MBOAT2: variants seen among roughly 807,000 people sequenced by gnomAD.
The protein encoded by MBOAT2 is membrane-bound glycerophospholipid O-acyltransferase 2.
Under a neutral mutation model 63.4 loss-of-function variants are expected in MBOAT2, and 28 were observed. The ratio of observed to expected loss-of-function variants is 0.44; its 90% CI spans 0.33 to 0.61. MBOAT2 has a LOEUF of 0.61. Ranked by LOEUF, MBOAT2 falls within the 20% of genes least tolerant of loss-of-function variation. The pLI is 0.03. For missense variants in MBOAT2, 470 were observed against 605.8 expected (o/e 0.78, Z 2.35); for synonymous variants, 211 against 215.6 (o/e 0.98, Z 0.19).
At chr2:8,978,865 G>A (rs1671010646) in intron 1 of MBOAT2, among the ~76,000 whole-genome samples, 1 of 151,706 alleles carries the variant, frequency 6.6e-6, no homozygotes, top group Admixed American at 6.6e-5. Flanking sequence ...AAAAAAAAAG[G>A]TGGTGGGGGG....
At chr2:8,873,368 C>G in intron 7 of MBOAT2, 68 bp from the exon 8 acceptor site, 1 of 1,450,852 alleles carries the variant, frequency 6.9e-7, no homozygotes, top group South Asian at 1.3e-5. Context: ...TATGTATTAT[C>G]GACAGATTAA....
rs1553362293 is a variant in MBOAT2 at position 8,912,351 on chromosome 2, G to GAAAGAAAGAGAA, written c.300-3636_300-3635insTTCTCTTTCTTT. 7.2e-4 allele frequency among the ~76,000 whole-genome samples: 50 copies of GAAAGAAAGAGAA among 69,854 alleles called. 1 individual carries two copies. The highest frequency in any genetic ancestry group is 1.3e-3 in the Admixed American group (8 of 6,046). 45.8% of individuals were successfully genotyped at this position (69,854 alleles called of 152,430 possible). On this transcript the variant is annotated intron_variant, in intron 3 of 12. Coordinates refer to ENST00000305997, the MANE Select transcript of MBOAT2 (RefSeq NM_138799.4). ...AGAAAGAAAGAAAGAAAGAAAGAAA[G>GAAAGAAAGAGAA]AGAAAGAAAGAAAGAAAGAAAGAGA...
rs1380153103 is a variant in MBOAT2, at chr2:8,862,119, T to C, written c.1185+471A>G. ...TTTCTCAATTGTTTCCCCAAAATAT[T>C]ACTCTATGTTCTGTCTAGGCAAATA... On this transcript the variant is annotated intron_variant, in intron 11 of 12. Transcript: ENST00000305997. The surrounding 1 kb of genome is among the most constrained non-coding windows in gnomAD (Gnocchi z 4.3). Among the ~76,000 whole-genome samples, 2 of 152,324 alleles carry C rather than the reference T, an allele frequency of 1.3e-5. No homozygotes were observed. Among genetic ancestry groups the C allele is most frequent in the East Asian group, 1.9e-4 (1 of 5,188 alleles).
Position 9,003,400 on chromosome 2 carries a change from C to T in MBOAT2, c.75+140G>A. 1 of 361,396 alleles carries T rather than the reference C, an allele frequency of 2.8e-6. No individual in the cohort carries two copies. The highest frequency in any genetic ancestry group is 4.4e-6 in the Non-Finnish European group (1 of 226,658). The allele number at this position is 361,396 out of a possible 1,614,324, so 22.4% of individuals were successfully genotyped here. A position where few individuals can be genotyped will look rare whatever the true frequency, so the allele number is the denominator to read the frequency against. Reference sequence around the variant, plus strand: ...CAATAACCGGCTTGTTGCCCCCTCCCTTCCAGGGAGCGGCGGGTAGGGGGG... The same window carrying T: ...CAATAACCGGCTTGTTGCCCCCTCCTTTCCAGGGAGCGGCGGGTAGGGGGG... On this transcript the variant is annotated intron_variant, in intron 1 of 12. Transcript: ENST00000305997. This position sits in a 1 kb window ranked among gnomAD's most constrained non-coding sequence, Gnocchi z 5.4.
At chr2:8,919,613 A>C (rs1666429752) in intron 3 of MBOAT2, among the ~76,000 whole-genome samples, 1 of 152,092 alleles carries the variant, frequency 6.6e-6, no homozygotes, top group Non-Finnish European at 1.5e-5. Flanking sequence ...CATCTTCTGG[A>C]TCCAAGTCCT....
intron 1 of MBOAT2, among the ~76,000 whole-genome samples, chr2:8,961,083 G>A (rs897121857): frequency 6.6e-6 from 1 of 152,124 alleles, no homozygotes; most frequent in African/African-American, 2.4e-5. Context: ...GAAGTGATGA[G>A]ATTGACCCTC....
intron 4 of MBOAT2, among the ~76,000 whole-genome samples, chr2:8,903,338 A>G (rs1665102683): frequency 6.6e-6 from 1 of 152,158 alleles, no homozygotes; most frequent in Admixed American, 6.5e-5. Flanking sequence ...ACTTAGCAAA[A>G]TGCACAGTGC....
intron 2 of MBOAT2, among the ~76,000 whole-genome samples, chr2:8,945,250 C>A (rs1179297102): frequency 1.3e-5 from 2 of 152,158 alleles, no homozygotes; most frequent in African/African-American, 4.8e-5. Context: ...TCTGCATTTA[C>A]CTCTATCTCA....
intron 3 of MBOAT2, among the ~76,000 whole-genome samples, chr2:8,926,356 A>T (rs1245924259): frequency 6.6e-6 from 1 of 152,234 alleles, no homozygotes; most frequent in Non-Finnish European, 1.5e-5. Flanking sequence ...TGTGAAGTAT[A>T]CAAGATGTAC....
At chr2:8,867,269 G>A (rs909754155) in intron 9 of MBOAT2, among the ~76,000 whole-genome samples, 27 of 152,062 alleles carry the variant, frequency 1.8e-4, no homozygotes, top group Non-Finnish European at 3.4e-4. Context: ...TGCCTGCCTT[G>A]GCCTACCAAA....
At position 8,856,556 on chromosome 2, in the gene MBOAT2, T is replaced by TC. The variant is rs1661098597; in HGVS notation, c.*2122dup. ...TAAACAGCTGGCATAATTTCTTTTT[T>TC]CTTTTTTTTTTTTTGTGAGACGGAG... On this transcript the variant is annotated 3_prime_UTR_variant, in exon 13 of 13. Transcript: ENST00000305997. The surrounding 1 kb of genome is among the most constrained non-coding windows in gnomAD (Gnocchi z 4.2). The TC allele has an allele frequency of 6.6e-6, 1 of 151,636 alleles. No individual in the cohort carries two copies. The highest frequency in any genetic ancestry group is 2.1e-4 in the South Asian group (1 of 4,820). The allele number at this position is 151,636 out of a possible 1,614,324, so 9.4% of individuals were successfully genotyped here.
chr2:8,902,289 AG>A (rs1198964529), intron 4 of MBOAT2, among the ~76,000 whole-genome samples: 2 of 152,186 alleles, frequency 1.3e-5, no homozygotes, highest in Non-Finnish European at 2.9e-5. Flanking sequence ...AGCAAATGAA[AG>A]GGGTCCGATG....
At chr2:8,864,342 T>C in intron 9 of MBOAT2, 108 bp from the exon 10 acceptor site, 1 of 566,712 alleles carries the variant, frequency 1.8e-6, no homozygotes, top group Non-Finnish European at 2.9e-6. Flanking sequence ...TTAACATCGA[T>C]GGTAGTATAG....
At chr2:8,972,803 T>G (rs978698371) in intron 1 of MBOAT2, among the ~76,000 whole-genome samples, 1 of 152,008 alleles carries the variant, frequency 6.6e-6, no homozygotes, top group African/African-American at 2.4e-5. Flanking sequence ...GAAATGCAAA[T>G]CAAAACCACA....
Position 8,870,717 on chromosome 2 carries a change from A to T in MBOAT2, c.884-2168T>A, listed in dbSNP as rs1045022327. ...TGTTAAGACAGTACAGACATAGTAC[A>T]AGTATTTATTGCATGGAATAACTTT... On this transcript the variant is annotated intron_variant, in intron 8 of 12. Transcript: ENST00000305997. 2.4e-4 allele frequency among the ~76,000 whole-genome samples: 37 copies of T among 152,352 alleles called. No individual in the cohort carries two copies. The South Asian group carries it at 3.1e-3, about 13-fold the overall frequency.
chr2:8,932,744 A>G (rs1223299887), intron 3 of MBOAT2, among the ~76,000 whole-genome samples: 2 of 151,834 alleles, frequency 1.3e-5, no homozygotes, highest in African/African-American at 4.8e-5. Flanking sequence ...AATGGGATAC[A>G]GTATTTAGGA....
intron 3 of MBOAT2, among the ~76,000 whole-genome samples, chr2:8,941,903 T>A (rs139325453): frequency 6.6e-6 from 1 of 151,886 alleles, no homozygotes; most frequent in African/African-American, 2.4e-5. Flanking sequence ...GGCCAAAATG[T>A]ATGTAAGTCC....
At chr2:8,988,046 T>C (rs1671682874) in intron 1 of MBOAT2, among the ~76,000 whole-genome samples, 1 of 152,188 alleles carries the variant, frequency 6.6e-6, no homozygotes, top group African/African-American at 2.4e-5. Flanking sequence ...ATGTTAAACA[T>C]ATTTGCATGT....
chr2:8,879,791 G>A (rs1196809496), intron 6 of MBOAT2, among the ~76,000 whole-genome samples: 1 of 152,178 alleles, frequency 6.6e-6, no homozygotes, highest in Non-Finnish European at 1.5e-5. Flanking sequence ...GACAATAAAT[G>A]AGACAAAGTT....
Sources: gnomAD v4.1 joint callset for allele counts (sites outside exome capture counted in the v4.1 genomes callset) on GRCh38, gnomAD v4.1.1 for gene constraint, Gnocchi (gnomAD v3.1) non-coding constraint, MANE v1.5 for transcripts, NCBI Gene and HGNC (gene_info 2026-07-23, HGNC 2026-07-21) for gene names.